Variants in SH3PXD2A observed in about 807,000 individuals in gnomAD.
SH3PXD2A encodes the protein SH3 and PX domains 2A.
A neutral mutation model predicts 115.2 loss-of-function variants in SH3PXD2A; 32 were observed. The ratio of observed to expected loss-of-function variants is 0.28; its 90% CI spans 0.21 to 0.37. The LOEUF (loss-of-function observed/expected upper bound fraction) is 0.37. Ranked by LOEUF, SH3PXD2A falls within the 10% of genes least tolerant of loss-of-function variation. The probability of loss-of-function intolerance (pLI) is 1.00; values close to 1 mark genes in which losing one functional copy is unlikely to be tolerated. For missense variants in SH3PXD2A, 1,328 were observed against 1,498.7 expected (o/e 0.89, Z 1.88); for synonymous variants, 610 against 629.1 (o/e 0.97, Z 0.45).
At chr10:103,672,599 G>T (rs2037478849) in intron 6 of SH3PXD2A, among the ~76,000 whole-genome samples, 2 of 152,260 alleles carry the variant, frequency 1.3e-5, no homozygotes, top group African/African-American at 4.8e-5. Flanking sequence ...CTTGGTTCTT[G>T]TGCTGGCTTT....
At position 103,602,224 on chromosome 10, in the gene SH3PXD2A, C is replaced by A; in HGVS notation, c.2994G>T (p.Arg998=). 6.3e-7 allele frequency: 1 copy of A among 1,598,016 alleles called. No homozygotes were observed. The highest frequency in any genetic ancestry group is 1.1e-5 in the South Asian group (1 of 87,998). ...PKDNNLSCAL[R]RNESLTATDG... is the part of the protein sequence containing the mutation. ...CAGTGGCCGTGAGTGACTCATTCCT[C>A]CGCAGGGCGCAGGACAGGTTGTTGT... is the stretch of plus-strand genomic sequence containing the variant. Residue 998 remains arginine (R), a synonymous_variant, in exon 15 of 15, where the codon CGG becomes CGT. Transcript: ENST00000369774.
intron 11 of SH3PXD2A, among the ~76,000 whole-genome samples, chr10:103,614,331 A>G (rs1035795574): frequency 2.0e-4 from 31 of 152,310 alleles, no homozygotes; most frequent in African/African-American, 7.5e-4. Context: ...CTGGCTTTAT[A>G]CCATATAGCA....
At chr10:103,763,671 C>A (rs1262851288) in intron 3 of SH3PXD2A, among the ~76,000 whole-genome samples, 1 of 152,230 alleles carries the variant, frequency 6.6e-6, no homozygotes, top group Non-Finnish European at 1.5e-5. Context: ...CCTGTACCAG[C>A]TGCGGCTCCT....
intron 1 of SH3PXD2A, among the ~76,000 whole-genome samples, chr10:103,815,451 A>AAT (rs1278826200): frequency 6.7e-6 from 1 of 148,420 alleles, no homozygotes; most frequent in Non-Finnish European, 1.5e-5. Context: ...TACAGTGTAT[A>AAT]ATATATATAC....
intron 2 of SH3PXD2A, among the ~76,000 whole-genome samples, chr10:103,776,389 C>T (rs181751468): frequency 2.8e-4 from 37 of 129,834 alleles, no homozygotes; most frequent in African/African-American, 1.3e-3. Context: ...CTAGACACCA[C>T]TGTCTCAAAA....
intron 1 of SH3PXD2A, among the ~76,000 whole-genome samples, chr10:103,807,445 G>T (rs898035692): frequency 1.3e-5 from 2 of 152,212 alleles, no homozygotes; most frequent in African/African-American, 4.8e-5. Flanking sequence ...CAGGCCCCAG[G>T]CCAAACAGAA....
At chr10:103,696,514 C>T (rs956127878) in intron 5 of SH3PXD2A, among the ~76,000 whole-genome samples, 2 of 152,180 alleles carry the variant, frequency 1.3e-5, no homozygotes, top group Admixed American at 1.3e-4. Flanking sequence ...CATCAGTCCC[C>T]TTCTCCAATC....
chr10:103,795,111 C>T (rs2039073548), intron 2 of SH3PXD2A, among the ~76,000 whole-genome samples: 1 of 152,172 alleles, frequency 6.6e-6, no homozygotes, highest in Non-Finnish European at 1.5e-5. Context: ...CATATCTGCC[C>T]AATACACAAC....
Position 103,602,845 on chromosome 10 carries a change from C to T in SH3PXD2A, c.2373G>A (p.Gly791=). The T allele has an allele frequency of 1.2e-6, 2 of 1,614,160 alleles. No homozygotes were observed. Among genetic ancestry groups the T allele is most frequent in the Admixed American group, 1.7e-5 (1 of 60,028 alleles). Residue 791 remains glycine (G), a synonymous_variant, in exon 15 of 15, where the codon GGG becomes GGA. Coordinates refer to ENST00000369774, the MANE Select transcript of SH3PXD2A (RefSeq NM_001394015.1). ...QLRPTGQLRG[G]LKGSKSEDSE... ...AATCCTCACTCTTGGAGCCCTTGAG[C>T]CCTCCACGGAGCTGGCCTGTGGGTC...
Position 103,767,818 on chromosome 10 carries a change from T to TGTTTTG in SH3PXD2A, c.154-650_154-649insCAAAAC, listed in dbSNP as rs1554921219. 1.1e-4 allele frequency among the ~76,000 whole-genome samples: 16 copies of TGTTTTG among 147,076 alleles called. 1 individual carries two copies. In the South Asian group the frequency reaches 3.1e-3, roughly 28 times the overall value. On this transcript the variant is annotated intron_variant, in intron 2 of 14. Transcript: ENST00000369774. ...GGAGGAACAACTGTTTTGTTTTTTT[T>TGTTTTG]TTTTTTTTTTTTTTTTGCTATTCTG...
chr10:103,625,016 G>A (rs968204437), intron 9 of SH3PXD2A, among the ~76,000 whole-genome samples: 2 of 152,032 alleles, frequency 1.3e-5, no homozygotes, highest in Non-Finnish European at 2.9e-5. Flanking sequence ...GCATGCACGC[G>A]CACACACACC....
intron 7 of SH3PXD2A, among the ~76,000 whole-genome samples, chr10:103,667,618 C>T (rs752930170): frequency 2.6e-5 from 4 of 152,210 alleles, no homozygotes; most frequent in East Asian, 1.9e-4. Flanking sequence ...TCCCATTCCC[C>T]GCCCACAGCT....
rs574580849 is a variant in SH3PXD2A, at chr10:103,594,168, G to C, written c.*7648C>G. 5 of 152,582 alleles carry C rather than the reference G, an allele frequency of 3.3e-5. No homozygotes were observed. Among genetic ancestry groups the C allele is most frequent in the Non-Finnish European group, 5.9e-5 (4 of 68,048 alleles). 9.5% of individuals were successfully genotyped at this position (152,582 alleles called of 1,614,324 possible). A position where few individuals can be genotyped will look rare whatever the true frequency, so the allele number is the denominator to read the frequency against. ...CATTTTCTGCAGACCAAAGAGTCCC[G>C]TCAAAGTGATAAAGGACACCTGGAA... On this transcript the variant is annotated 3_prime_UTR_variant, in exon 15 of 15. Transcript: ENST00000369774.
At chr10:103,611,966 T>C (rs982098452) in intron 12 of SH3PXD2A, among the ~76,000 whole-genome samples, 1 of 152,232 alleles carries the variant, frequency 6.6e-6, no homozygotes, top group African/African-American at 2.4e-5. Flanking sequence ...AGACCATGTC[T>C]GTTTTTTGCT....
chr10:103,643,548 A>G (rs1049341385), intron 8 of SH3PXD2A, among the ~76,000 whole-genome samples: 1 of 152,212 alleles, frequency 6.6e-6, no homozygotes, highest in African/African-American at 2.4e-5. Flanking sequence ...GAGCAAGGCA[A>G]GTTCTAGCAA....
rs557858991 is a variant in SH3PXD2A at position 103,825,920 on chromosome 10, C to T, written c.73-24558G>A. Among the ~76,000 whole-genome samples, 10 of 152,186 alleles carry T rather than the reference C, an allele frequency of 6.6e-5. No individual in the cohort carries two copies. In the East Asian group the frequency reaches 7.7e-4, roughly 12 times the overall value. On this transcript the variant is annotated intron_variant, in intron 1 of 14. Coordinates refer to ENST00000369774, the MANE Select transcript of SH3PXD2A (RefSeq NM_001394015.1). Reference sequence around the variant, plus strand: ...CTGGGACTACAGGCTCCCGCCACCACGCCCGGCTAATTTTTTGTATTTTTA... The same window carrying T: ...CTGGGACTACAGGCTCCCGCCACCATGCCCGGCTAATTTTTTGTATTTTTA...
Position 103,603,606 on chromosome 10 carries a change from G to T in SH3PXD2A, c.1612C>A (p.Pro538Thr), listed in dbSNP as rs1652470637. The change falls in exon 15 of 15, where the codon CCT becomes ACT. Residue 538 changes from proline (P) to threonine (T), a missense_variant. Around this residue, in one of 5 missense-constraint regions of SH3PXD2A, gnomAD observed 509 missense variants for 628.3 expected, o/e 0.81. Transcript: ENST00000369774. ...PSKPKEAEEG[P>T]TGASESQDSP... ...TCCTGGCTCTCACTGGCCCCCGTAGGGCCCTCCTCGGCCTCCTTGGGCTTG... is the reference window on the plus strand; with the variant it reads ...TCCTGGCTCTCACTGGCCCCCGTAGTGCCCTCCTCGGCCTCCTTGGGCTTG... The T allele has an allele frequency of 6.2e-7, 1 of 1,604,074 alleles. No homozygotes were observed. The highest frequency in any genetic ancestry group is 1.1e-5 in the South Asian group (1 of 89,106).
chr10:103,753,177 AC>A (rs1180774061), intron 3 of SH3PXD2A, among the ~76,000 whole-genome samples: 1 of 152,058 alleles, frequency 6.6e-6, no homozygotes, highest in Non-Finnish European at 1.5e-5. Context: ...TGTGGCAAGG[AC>A]ATAAAGAATA....
At chr10:103,770,237 CT>C in intron 2 of SH3PXD2A, among the ~76,000 whole-genome samples, 1 of 152,202 alleles carries the variant, frequency 6.6e-6, no homozygotes, top group East Asian at 1.9e-4. Context: ...GAGACCAGGT[CT>C]CACTCTGTTG....
Sources: allele counts gnomAD v4.1 joint callset (sites outside exome capture counted in the v4.1 genomes callset), GRCh38; gene constraint gnomAD v4.1.1; regional missense constraint gnomAD v4.1.1; transcripts MANE v1.5; gene names NCBI Gene and HGNC (gene_info 2026-07-23, HGNC 2026-07-21).